QKI: variants seen among roughly 807,000 people sequenced by gnomAD.
QKI encodes KH domain-containing RNA-binding protein QKI.
A neutral mutation model predicts 39.0 loss-of-function variants in QKI; 10 were observed. The observed-to-expected ratio is 0.26, with a 90% CI of 0.16 to 0.43. The LOEUF is 0.43. QKI is among the 20% of genes least tolerant of loss of function. The pLI is 1.00. For missense variants in QKI, 218 were observed against 428.0 expected, an observed-to-expected ratio of 0.51 and a Z score of 4.33; for synonymous variants, 204 against 155.4, an observed-to-expected ratio of 1.31 and a Z score of -2.33.
rs566634786 is a variant in QKI, at chr6:163,480,116, C to CT, written c.402+1222dup. Among the ~76,000 whole-genome samples the CT allele has an allele frequency of 2.4e-4, 37 of 152,222 alleles. No homozygotes were observed. In the East Asian group the frequency reaches 3.9e-3, roughly 16 times the overall value. ...GGAAGATTTTATTTACCTAGTTTGT[C>CT]TTACCCAGCAATACTGTGAGGCAGG... On this transcript the variant is annotated intron_variant, in intron 3 of 7. Transcript: ENST00000361752.
intron 3 of QKI, among the ~76,000 whole-genome samples, chr6:163,479,634 G>A (rs186671506): frequency 6.6e-6 from 1 of 152,270 alleles, no homozygotes; most frequent in Non-Finnish European, 1.5e-5. Context: ...CCTCCCAAAG[G>A]TCTGGGATTA....
intron 3 of QKI, among the ~76,000 whole-genome samples, chr6:163,508,958 GA>G (rs1779268303): frequency 6.6e-6 from 1 of 151,000 alleles, no homozygotes; most frequent in African/African-American, 2.4e-5. Context: ...GGCCAACATG[GA>G]GAAACCCCAA....
At chr6:163,479,254 T>C (rs976750059) in intron 3 of QKI, among the ~76,000 whole-genome samples, 1 of 152,040 alleles carries the variant, frequency 6.6e-6, no homozygotes, top group African/African-American at 2.4e-5. Context: ...CACTCCAGCC[T>C]GGGCAACAGG....
chr6:163,558,512 T>C (rs1313525967), intron 4 of QKI, among the ~76,000 whole-genome samples: 2 of 151,806 alleles, frequency 1.3e-5, no homozygotes, highest in Non-Finnish European at 2.9e-5. Context: ...CGATTCTCTT[T>C]CCTCAGCCTC....
intron 2 of QKI, among the ~76,000 whole-genome samples, chr6:163,458,323 C>CTA (rs1225752807): frequency 2.0e-5 from 3 of 152,120 alleles, no homozygotes; most frequent in Admixed American, 6.6e-5. Context: ...ATTATGAAGA[C>CTA]TAAAGAGTTA....
chr6:163,572,421 T>C lies in QKI; in HGVS notation c.*1711T>C, dbSNP rs1348212682. On this transcript the variant is annotated 3_prime_UTR_variant, in exon 8 of 8. Transcript: ENST00000361752. ...ATATCATACCAGATAACTGGTGTAG[T>C]GTATCCTTTTACTGTTTCAATAACC... The C allele has an allele frequency of 6.6e-6, 1 of 152,194 alleles. No homozygotes were observed. The highest frequency in any genetic ancestry group is 1.5e-5 in the Non-Finnish European group (1 of 68,028). The allele number at this position is 152,194 out of a possible 1,614,324, so 9.4% of individuals were successfully genotyped here. A position where few individuals can be genotyped will look rare whatever the true frequency, so the allele number is the denominator to read the frequency against.
At chr6:163,537,367 G>A (rs1781268347) in intron 4 of QKI, among the ~76,000 whole-genome samples, 1 of 152,176 alleles carries the variant, frequency 6.6e-6, no homozygotes, top group Non-Finnish European at 1.5e-5. Context: ...ATTAATTCAA[G>A]TTGGAAAAAA....
At position 163,415,020 on chromosome 6, in the gene QKI, C is replaced by A; in HGVS notation, c.-174C>A. On this transcript the variant is annotated 5_prime_UTR_variant, in exon 1 of 8. Coordinates refer to ENST00000361752, the MANE Select transcript of QKI (RefSeq NM_006775.3). The stretch of plus-strand genomic sequence containing the variant: ...GCGGAAAGTGCCTGCGGGGGGCGGG[C>A]GAGCGCGCGGTGCCGGCCGCCCCGG... 1 of 574,528 alleles carries A rather than the reference C, an allele frequency of 1.7e-6. No homozygotes were observed. The highest frequency in any genetic ancestry group is 7.4e-5 in the South Asian group (1 of 13,558). 35.6% of individuals were successfully genotyped at this position (574,528 alleles called of 1,614,324 possible). A position where few individuals can be genotyped will look rare whatever the true frequency, so the allele number is the denominator to read the frequency against.
At chr6:163,520,518 A>G (rs1226462514) in intron 3 of QKI, among the ~76,000 whole-genome samples, 1 of 152,094 alleles carries the variant, frequency 6.6e-6, no homozygotes, top group Non-Finnish European at 1.5e-5. Flanking sequence ...ACCTGTTTTC[A>G]AAACTATAGA....
chr6:163,478,974 A>AT (rs1792846664), intron 3 of QKI, 78 bp downstream of exon 3: 9 of 1,273,374 alleles, frequency 7.1e-6, no homozygotes, highest in South Asian at 2.7e-5. Flanking sequence ...AAATTTCCAG[A>AT]TTTTTTTGTG....
chr6:163,426,032 G>A lies in QKI; in HGVS notation c.142+10697G>A, dbSNP rs989120189. On this transcript the variant is annotated intron_variant, in intron 1 of 7. Coordinates refer to ENST00000361752, the MANE Select transcript of QKI (RefSeq NM_006775.3). ...TCTATCCCTAGAGAGATACATATTT[G>A]TGTATCTTTAAAAGTTAACACTTCC... Among the ~76,000 whole-genome samples, 5 of 152,250 alleles carry A rather than the reference G, an allele frequency of 3.3e-5. No individual in the cohort carries two copies. The South Asian group carries it at 8.3e-4, about 25-fold the overall frequency.
chr6:163,467,456 T>G (rs1791852516), intron 2 of QKI, among the ~76,000 whole-genome samples: 1 of 152,234 alleles, frequency 6.6e-6, no homozygotes, highest in Admixed American at 6.5e-5. Context: ...AACAAAACAG[T>G]TACTATTTCC....
intron 3 of QKI, among the ~76,000 whole-genome samples, chr6:163,519,370 C>G (rs1476274026): frequency 6.6e-6 from 1 of 151,908 alleles, no homozygotes; most frequent in African/African-American, 2.4e-5. Context: ...GACAGCTTGA[C>G]AAAAGGGGAC....
At chr6:163,467,478 C>T (rs909938608) in intron 2 of QKI, among the ~76,000 whole-genome samples, 1 of 152,176 alleles carries the variant, frequency 6.6e-6, no homozygotes, top group African/African-American at 2.4e-5. Context: ...CTTTCTATTT[C>T]AACATGGAAG....
intron 3 of QKI, among the ~76,000 whole-genome samples, chr6:163,504,423 C>T (rs1371007337): frequency 1.3e-5 from 2 of 152,110 alleles, no homozygotes; most frequent in Non-Finnish European, 2.9e-5. Context: ...ATAGAAATAG[C>T]GTTCAATCTG....
intron 3 of QKI, among the ~76,000 whole-genome samples, chr6:163,502,729 T>C (rs894766935): frequency 6.6e-6 from 1 of 152,220 alleles, no homozygotes; most frequent in African/African-American, 2.4e-5. Flanking sequence ...ATGTATTTGC[T>C]GCATTTTCTT....
intron 2 of QKI, chr6:163,457,437 A>C (rs1791001744): frequency 2.2e-6 from 1 of 455,894 alleles, no homozygotes; most frequent in Non-Finnish European, 4.4e-6. Flanking sequence ...GGAGCATGGC[A>C]TTTGTCTTGA....
intron 1 of QKI, among the ~76,000 whole-genome samples, chr6:163,438,958 C>G (rs1469727521): frequency 2.0e-5 from 3 of 152,054 alleles, no homozygotes; most frequent in Non-Finnish European, 4.4e-5. Flanking sequence ...GAAATATTTT[C>G]TTTATATCCT....
rs185027864 is a variant in QKI at position 163,426,218 on chromosome 6, C to T, written c.142+10883C>T. On this transcript the variant is annotated intron_variant, in intron 1 of 7. Transcript: ENST00000361752. ...TACTGCTCATTAAATCTGGTTGTTA[C>T]GCCTTTTTAAATCTAGAACCATCTC... 1.4e-4 allele frequency among the ~76,000 whole-genome samples: 21 copies of T among 151,524 alleles called. 2 individuals carry two copies. The highest frequency in any genetic ancestry group is 1.2e-3 in the Admixed American group (18 of 15,204).
Sources: allele counts gnomAD v4.1 joint callset (sites outside exome capture counted in the v4.1 genomes callset), GRCh38; gene constraint gnomAD v4.1.1; transcripts MANE v1.5; gene names NCBI Gene and HGNC (gene_info 2026-07-23, HGNC 2026-07-21).